The following MAGI2 variants were observed in gnomAD, a reference collection of about 807,000 sequenced individuals.
MAGI2 encodes the protein membrane-associated guanylate kinase, WW and PDZ domain-containing protein 2.
A neutral mutation model predicts 133.3 loss-of-function variants in MAGI2; 35 were observed. That is an observed-to-expected ratio of 0.26 (90% CI 0.20 to 0.35). The LOEUF (loss-of-function observed/expected upper bound fraction) is 0.35. MAGI2 is among the 10% of genes least tolerant of loss of function. The pLI is 1.00. For synonymous variants in MAGI2, 729 were observed against 710.6 expected (o/e 1.03, Z -0.41); for missense variants, 1,636 against 1,863.4 (o/e 0.88, Z 2.25).
At chr7:78,132,844 C>G in intron 18 of MAGI2, 45 bp downstream of exon 18, 1 of 1,613,698 alleles carries the variant, frequency 6.2e-7, no homozygotes, top group Non-Finnish European at 8.5e-7. Context: ...CTCCTTTCCC[C>G]ACCCTATCAC....
In MAGI2 at chr7:78,268,959, C is replaced by T. The variant is rs140102572; in HGVS notation, c.1409-12378G>A. Among the ~76,000 whole-genome samples, 810 of 152,202 alleles carry T rather than the reference C, an allele frequency of 5.3e-3. 7 individuals are homozygous for T. Among genetic ancestry groups the T allele is most frequent in the African/African-American group, 0.018 (752 of 41,512 alleles). On this transcript the variant is annotated intron_variant, in intron 9 of 21. Transcript: ENST00000354212. ...CAGCCCCCCACCCACTGACAAGCCC[C>T]GGTGTGTGATGTTCCCCTCCCTATG...
chr7:79,113,811 TACACACAC>T (rs3047688), intron 1 of MAGI2, among the ~76,000 whole-genome samples: 1 of 148,874 alleles, frequency 6.7e-6, no homozygotes, highest in Admixed American at 6.7e-5. Context: ...TACACACGCT[TACACACAC>T]ACACACACAC....
rs187792155 is a variant in MAGI2 at position 78,545,395 on chromosome 7, C to T, written c.539-23750G>A. On this transcript the variant is annotated intron_variant, in intron 3 of 21. Transcript: ENST00000354212. ...GCCCGGCTAATTTTTGTATTTTTAG[C>T]AGAGAAGGGGATTCGCCATGTTGGT... Among the ~76,000 whole-genome samples the T allele has an allele frequency of 4.6e-5, 7 of 151,764 alleles. No individual in the cohort carries two copies. The East Asian group carries it at 1.2e-3, about 25-fold the overall frequency.
intron 2 of MAGI2, among the ~76,000 whole-genome samples, chr7:78,938,185 C>T (rs1030663755): frequency 6.6e-6 from 1 of 151,786 alleles, no homozygotes; most frequent in African/African-American, 2.4e-5. Context: ...ACAAAATAGA[C>T]TTGTACAAAG....
intron 2 of MAGI2, among the ~76,000 whole-genome samples, chr7:78,633,765 A>G (rs1168314248): frequency 1.3e-5 from 2 of 152,066 alleles, no homozygotes; most frequent in African/African-American, 2.4e-5. Flanking sequence ...GGTGCGATAA[A>G]AAGGTTCTTA....
intron 1 of MAGI2, among the ~76,000 whole-genome samples, chr7:79,095,517 C>T (rs1332765099): frequency 6.6e-6 from 1 of 152,168 alleles, no homozygotes; most frequent in Non-Finnish European, 1.5e-5. Flanking sequence ...AAGTAAGAGA[C>T]ATGTGACTCT....
chr7:79,384,736 C>T (rs62458986), intron 1 of MAGI2, among the ~76,000 whole-genome samples: 24,842 of 151,388 alleles, frequency 0.16, 2,401 homozygotes, highest in African/African-American at 0.26. Flanking sequence ...AAATTGCATC[C>T]AAAATGTTTT....
intron 3 of MAGI2, among the ~76,000 whole-genome samples, chr7:78,545,614 A>G (rs1798768477): frequency 6.6e-6 from 1 of 152,194 alleles, no homozygotes; most frequent in Non-Finnish European, 1.5e-5. Flanking sequence ...CCAGCAGTAA[A>G]TTGCTAACCG....
chr7:78,558,543 T>C (rs1584628178), intron 3 of MAGI2, among the ~76,000 whole-genome samples: 1 of 152,190 alleles, frequency 6.6e-6, no homozygotes, highest in African/African-American at 2.4e-5. Flanking sequence ...ATGGTTACTT[T>C]TGACTCTGCA....
At chr7:78,827,075 T>C (rs1790725483) in intron 2 of MAGI2, among the ~76,000 whole-genome samples, 1 of 152,132 alleles carries the variant, frequency 6.6e-6, no homozygotes, top group Non-Finnish European at 1.5e-5. Flanking sequence ...CAGATACATA[T>C]AGATACAGCT....
chr7:78,400,481 A>G (rs7807494), intron 6 of MAGI2, among the ~76,000 whole-genome samples: 82,540 of 151,972 alleles, frequency 0.54, 23,278 homozygotes, highest in Middle Eastern at 0.64. Flanking sequence ...TGTTATTGGG[A>G]CTTGGGAAAT....
At chr7:78,916,013 A>G (rs1165129749) in intron 2 of MAGI2, among the ~76,000 whole-genome samples, 1 of 152,104 alleles carries the variant, frequency 6.6e-6, no homozygotes, top group African/African-American at 2.4e-5. Context: ...ACGTTTTTAT[A>G]TAAGAGAGAT....
chr7:78,339,662 C>T (rs957296171), intron 9 of MAGI2, among the ~76,000 whole-genome samples: 1 of 152,128 alleles, frequency 6.6e-6, no homozygotes, highest in African/African-American at 2.4e-5. Context: ...TAATCGTAGG[C>T]AATAGGGTAA....
intron 21 of MAGI2, among the ~76,000 whole-genome samples, chr7:78,074,710 A>G (rs891945426): frequency 6.6e-6 from 1 of 152,218 alleles, no homozygotes; most frequent in Non-Finnish European, 1.5e-5. Context: ...AGACAAAAAG[A>G]ATTCTTTTTT....
intron 2 of MAGI2, among the ~76,000 whole-genome samples, chr7:78,697,092 C>T (rs1225975324): frequency 6.6e-6 from 1 of 152,168 alleles, no homozygotes; most frequent in Non-Finnish European, 1.5e-5. Context: ...AATTGGCTCT[C>T]CACTCTCATT....
At chr7:78,333,074 G>A (rs1418554288) in intron 9 of MAGI2, among the ~76,000 whole-genome samples, 3 of 152,202 alleles carry the variant, frequency 2.0e-5, no homozygotes, top group Non-Finnish European at 1.5e-5. Context: ...CACGATGTGA[G>A]TATGAATATT....
intron 1 of MAGI2, among the ~76,000 whole-genome samples, chr7:79,119,341 A>T (rs2364342): frequency 0.03 from 4,563 of 152,244 alleles, 244 homozygotes; most frequent in African/African-American, 0.1. Context: ...AAGTGTTTTT[A>T]AACAATATAC....
At chr7:78,256,725 G>A in intron 9 of MAGI2, 144 bp from the exon 10 acceptor site, 1 of 683,494 alleles carries the variant, frequency 1.5e-6, no homozygotes, top group East Asian at 2.7e-5. Context: ...TAAAATCACT[G>A]TGGGTGACTC....
intron 9 of MAGI2, among the ~76,000 whole-genome samples, chr7:78,326,184 G>A (rs1414171395): frequency 6.6e-6 from 1 of 152,170 alleles, no homozygotes; most frequent in Non-Finnish European, 1.5e-5. Flanking sequence ...GTAGCCCCAG[G>A]CTCATAGTAA....
Sources: allele counts gnomAD v4.1 joint callset (sites outside exome capture counted in the v4.1 genomes callset), GRCh38; gene constraint gnomAD v4.1.1; transcripts MANE v1.5; gene names NCBI Gene and HGNC (gene_info 2026-07-23, HGNC 2026-07-21).